Variants in ANKRD31 observed in about 807,000 individuals in gnomAD.
ANKRD31 encodes ankyrin repeat domain 31.
ANKRD31 carries 147 observed loss-of-function variants against 186.0 expected under a neutral mutation model. The observed-to-expected ratio is 0.79, with a 90% confidence interval of 0.69 to 0.91. The LOEUF is 0.91. Ranked by LOEUF, ANKRD31 falls within the 40% of genes least tolerant of loss-of-function variation. The pLI is 0.00. For synonymous variants in ANKRD31, 673 were observed against 736.4 expected (o/e 0.91, Z 1.39); for missense variants, 1,986 against 2,148.8 (o/e 0.92, Z 1.50).
intron 23 of ANKRD31, among the ~76,000 whole-genome samples, chr5:75,090,056 C>T (rs1745813677): frequency 6.6e-6 from 1 of 152,174 alleles, no homozygotes; most frequent in African/African-American, 2.4e-5. Context: ...TGCTATCTGT[C>T]CTGTGAGCTA....
intron 23 of ANKRD31, among the ~76,000 whole-genome samples, chr5:75,088,564 A>G (rs1302991993): frequency 1.3e-5 from 2 of 152,224 alleles, no homozygotes; most frequent in African/African-American, 4.8e-5. Flanking sequence ...CTTTGCATAC[A>G]TTCATAAAGG....
intron 11 of ANKRD31, among the ~76,000 whole-genome samples, chr5:75,165,374 T>C (rs1310929782): frequency 6.6e-6 from 1 of 152,182 alleles, no homozygotes; most frequent in Non-Finnish European, 1.5e-5. Flanking sequence ...CTGGCATTGT[T>C]AGTAGTAATA....
At chr5:75,137,834 C>G (rs1373504216) in intron 17 of ANKRD31, 22 bp downstream of exon 17, 1 of 1,425,898 alleles carries the variant, frequency 7.0e-7, no homozygotes, top group East Asian at 2.6e-5. Flanking sequence ...GTAGTAAGAT[C>G]TTAATGTGAT....
At chr5:75,207,094 C>T (rs931746440) in intron 4 of ANKRD31, among the ~76,000 whole-genome samples, 1 of 152,116 alleles carries the variant, frequency 6.6e-6, no homozygotes, top group Admixed American at 6.5e-5. Context: ...GCCTAATTTA[C>T]TGCATAAATG....
intron 6 of ANKRD31, among the ~76,000 whole-genome samples, chr5:75,198,313 T>C (rs2150256344): frequency 1.3e-5 from 2 of 152,236 alleles, no homozygotes; most frequent in South Asian, 4.1e-4. Flanking sequence ...CAAAAGCCAA[T>C]GCCACAGCAC....
At chr5:75,136,651 A>G (rs1750602302) in intron 17 of ANKRD31, among the ~76,000 whole-genome samples, 1 of 152,232 alleles carries the variant, frequency 6.6e-6, no homozygotes, top group Admixed American at 6.5e-5. Flanking sequence ...TGACCTAGCC[A>G]TCCCATTACT....
At chr5:75,195,450 C>T (rs1755396526) in intron 7 of ANKRD31, among the ~76,000 whole-genome samples, 181 bp downstream of exon 7, 1 of 151,946 alleles carries the variant, frequency 6.6e-6, no homozygotes, top group South Asian at 2.1e-4. Flanking sequence ...AGTATCTTCT[C>T]GGTGTTGATA....
At chr5:75,226,062 G>T (rs528535770) in intron 2 of ANKRD31, among the ~76,000 whole-genome samples, 2 of 152,318 alleles carry the variant, frequency 1.3e-5, no homozygotes, top group East Asian at 1.9e-4. Flanking sequence ...GCCATGGGGT[G>T]AGGCTCTCCT....
intron 3 of ANKRD31, among the ~76,000 whole-genome samples, chr5:75,221,438 A>G (rs1166809350): frequency 6.6e-6 from 1 of 152,208 alleles, no homozygotes; most frequent in African/African-American, 2.4e-5. Context: ...CCTATATCTC[A>G]AATTATACCA....
In ANKRD31 at chr5:75,195,838, C is replaced by T. The variant is rs936986406; in HGVS notation, c.810G>A (p.Ser270=). 5.2e-6 allele frequency: 8 copies of T among 1,537,052 alleles called. No homozygotes were observed. Among genetic ancestry groups the T allele is most frequent in the East Asian group, 4.9e-5 (2 of 40,920 alleles). The part of the protein sequence containing the change: ...SSISIPLNSW[S]ACHRDLLEDA... ...CTTCTAGTAAATCTCTATGACATGC[C>T]GACCAGGAATTCAAAGGTATTGATA... The change falls in exon 7 of 26, where the codon TCG becomes TCA. Residue 270 remains serine, a synonymous_variant. Transcript: ENST00000506364.
chr5:75,206,162 T>C (rs1454512725), intron 5 of ANKRD31, among the ~76,000 whole-genome samples: 1 of 139,924 alleles, frequency 7.1e-6, no homozygotes, highest in Non-Finnish European at 1.5e-5. Flanking sequence ...ATAATTTGCC[T>C]GAGCCCAGGA....
chr5:75,187,587 G>A (rs539907606), intron 10 of ANKRD31, among the ~76,000 whole-genome samples: 3 of 152,042 alleles, frequency 2.0e-5, no homozygotes, highest in Non-Finnish European at 4.4e-5. Flanking sequence ...AGAAAGAACC[G>A]CATATCTCTT....
At chr5:75,174,192 C>T (rs1006463816) in intron 10 of ANKRD31, among the ~76,000 whole-genome samples, 1 of 152,160 alleles carries the variant, frequency 6.6e-6, no homozygotes. Flanking sequence ...AAAGCTGAAA[C>T]TGGATCCCTT....
At chr5:75,210,374 AT>A (rs1439194584) in intron 4 of ANKRD31, among the ~76,000 whole-genome samples, 1 of 152,188 alleles carries the variant, frequency 6.6e-6, no homozygotes, top group African/African-American at 2.4e-5. Context: ...GGGTTTCACC[AT>A]GTTGGCCAGA....
intron 22 of ANKRD31, among the ~76,000 whole-genome samples, chr5:75,092,075 T>C (rs1383289499): frequency 6.6e-6 from 1 of 152,178 alleles, no homozygotes; most frequent in Non-Finnish European, 1.5e-5. Context: ...TCCAGGGCCA[T>C]GGCTCAGGGA....
intron 23 of ANKRD31, among the ~76,000 whole-genome samples, chr5:75,086,928 A>G (rs1002919652): frequency 6.6e-6 from 1 of 152,224 alleles, no homozygotes; most frequent in Admixed American, 6.5e-5. Context: ...AGGAAAATAG[A>G]TGACTCAGCC....
At chr5:75,112,887 G>A (rs1747897316) in intron 19 of ANKRD31, among the ~76,000 whole-genome samples, 1 of 152,186 alleles carries the variant, frequency 6.6e-6, no homozygotes, top group South Asian at 2.1e-4. Context: ...GACTTCTGTT[G>A]AAACTATAGG....
chr5:75,076,362 T>C (rs1295680793), intron 25 of ANKRD31, among the ~76,000 whole-genome samples: 1 of 152,130 alleles, frequency 6.6e-6, no homozygotes, highest in Non-Finnish European at 1.5e-5. Context: ...GTTTCAATAA[T>C]TGGATAGAAT....
intron 2 of ANKRD31, 105 bp from the exon 3 acceptor site, chr5:75,222,463 T>C (rs933186072): frequency 1.0e-5 from 8 of 774,092 alleles, no homozygotes; most frequent in South Asian, 1.9e-5. Context: ...AAGAATCATC[T>C]AGTATATTAT....
Sources: allele counts gnomAD v4.1 joint callset (sites outside exome capture counted in the v4.1 genomes callset), GRCh38; gene constraint gnomAD v4.1.1; transcripts MANE v1.5; gene names NCBI Gene and HGNC (gene_info 2026-07-23, HGNC 2026-07-21).